The following PCDHB14 variants were observed in gnomAD, a reference collection of about 807,000 sequenced individuals.
The protein encoded by PCDHB14 is protocadherin beta-14.
For synonymous variants in PCDHB14, 511 were observed against 441.5 expected, an observed-to-expected ratio of 1.16 and a Z score of -1.97; for missense variants, 1,129 against 1,000.5, an observed-to-expected ratio of 1.13 and a Z score of -1.73.
In PCDHB14 at chr5:141,226,042, A is replaced by G. The variant is rs1754854489; in HGVS notation, c.*140A>G. ...CTTGTTTTTCTCACAGTTTCTTTAA[A>G]AATCTTTATTAGTGGCTATAATGAC... is the stretch of plus-strand genomic sequence containing the variant. On this transcript the variant is annotated 3_prime_UTR_variant, in exon 1 of 1. Transcript: ENST00000239449. 1.0e-5 allele frequency: 8 copies of G among 792,338 alleles called. No homozygotes were observed. The highest frequency in any genetic ancestry group is 1.4e-5 in the Non-Finnish European group (7 of 508,808). The allele number at this position is 792,338 out of a possible 1,614,324, so 49.1% of individuals were successfully genotyped here. A position where few individuals can be genotyped will look rare whatever the true frequency, so the allele number is the denominator to read the frequency against.
At position 141,224,161 on chromosome 5, in the gene PCDHB14, C is replaced by T; in HGVS notation, c.656C>T (p.Ser219Phe). 2.5e-6 allele frequency: 4 copies of T among 1,614,032 alleles called. No individual in the cohort carries two copies. The highest frequency in any genetic ancestry group is 3.4e-6 in the Non-Finnish European group (4 of 1,180,022). Residue 219 changes from serine to phenylalanine, a missense_variant, in exon 1 of 1, where the codon TCC becomes TTC. Ser to Phe is a radical substitution (Grantham distance 155, BLOSUM62 -2). Transcript: ENST00000239449. ...RLTLTAVDGG[S>F]PPKSGTTLVL... ...ACACTCACAGCAGTGGATGGTGGATCCCCGCCCAAGTCTGGGACAACTTTG... is the reference window on the plus strand; with the variant it reads ...ACACTCACAGCAGTGGATGGTGGATTCCCGCCCAAGTCTGGGACAACTTTG...
In PCDHB14 at chr5:141,225,092, T is replaced by C. The variant is rs782330532; in HGVS notation, c.1587T>C (p.Phe529=). 5.4e-5 allele frequency: 87 copies of C among 1,612,114 alleles called. No homozygotes were observed. Among genetic ancestry groups the C allele is most frequent in the African/African-American group, 1.3e-4 (10 of 74,888 alleles). Residue 529 remains phenylalanine, a synonymous_variant, in exon 1 of 1, where the codon TTT becomes TTC. Transcript: ENST00000239449. ...LDYEALQEFE[F]RVGATDRGSP... is the part of the protein sequence containing the mutation. ...ACGAGGCCCTACAGGAGTTCGAGTT[T>C]CGCGTGGGCGCCACAGACCGCGGGT...
In PCDHB14 at chr5:141,225,874, G is replaced by T. The variant is rs1754850588; in HGVS notation, c.2369G>T (p.Arg790Leu). Residue 790 changes from arginine (R) to leucine (L), a missense_variant, in exon 1 of 1, where the codon CGA becomes CTA. Arg to Leu is a moderately radical substitution (Grantham distance 102, BLOSUM62 -2). Transcript: ENST00000239449. ...AATATGGGGGAAATCGAGAACTTTC[G>T]AAATAGCTTTGGACTTAACATTCAA... is the stretch of plus-strand genomic sequence containing the variant. ...GRNMGEIENFRNSFGLNIQ is the reference protein window; with the variant it reads ...GRNMGEIENFLNSFGLNIQ 6.2e-7 allele frequency: 1 copy of T among 1,613,700 alleles called. No homozygotes were observed. Among genetic ancestry groups the T allele is most frequent in the Non-Finnish European group, 8.5e-7 (1 of 1,179,828 alleles).
chr5:141,225,931 G>A lies in PCDHB14; in HGVS notation c.*29G>A. 1 of 1,559,838 alleles carries A rather than the reference G, an allele frequency of 6.4e-7. No individual in the cohort carries two copies. Among genetic ancestry groups the A allele is most frequent in the East Asian group, 2.2e-5 (1 of 44,446 alleles). ...AATTTATTTTAAATGTCTAATTTTTGGTTATTCTTGGCAAGCTGATGGTAC... is the reference window on the plus strand; with the variant it reads ...AATTTATTTTAAATGTCTAATTTTTAGTTATTCTTGGCAAGCTGATGGTAC... On this transcript the variant is annotated 3_prime_UTR_variant, in exon 1 of 1. Transcript: ENST00000239449.
At position 141,225,011 on chromosome 5, in the gene PCDHB14, C is replaced by T. The variant is rs1554289307; in HGVS notation, c.1506C>T (p.Ser502=). Residue 502 remains serine (S), a synonymous_variant, in exon 1 of 1, where the codon TCC becomes TCT. Transcript: ENST00000239449. The part of the protein sequence containing the change: ...PPQDRHLPLA[S]LVSINADNGH... ...AGGACCGGCACCTGCCCCTCGCCTC[C>T]TTGGTCTCCATCAACGCGGACAATG... The T allele has an allele frequency of 6.2e-7, 1 of 1,612,692 alleles. No homozygotes were observed. Among genetic ancestry groups the T allele is most frequent in the South Asian group, 1.1e-5 (1 of 91,024 alleles).
rs1422659663 is a variant in PCDHB14 at position 141,223,779 on chromosome 5, C to A, written c.274C>A (p.Arg92=). The change falls in exon 1 of 1, where the codon CGA becomes AGA. Residue 92 remains arginine, a synonymous_variant. Coordinates refer to ENST00000239449, the MANE Select transcript of PCDHB14 (RefSeq NM_018934.4). ...GNLLLNEKLD[R]DELCGSTEPC... ...TTTGCTCCTAAATGAGAAACTAGAC[C>A]GAGACGAGCTGTGTGGCTCCACCGA... 1 of 1,613,844 alleles carries A rather than the reference C, an allele frequency of 6.2e-7. No individual in the cohort carries two copies. The highest frequency in any genetic ancestry group is 8.5e-7 in the Non-Finnish European group (1 of 1,179,946).
rs1754870725 is a variant in PCDHB14, at chr5:141,226,812, T to C, written c.*910T>C. ...GTCTGGAACTCCTTGGCTCAAGCGA[T>C]CTGCCCGCCTTAGCTAGTTTTTTGT... On this transcript the variant is annotated 3_prime_UTR_variant, in exon 1 of 1. Transcript: ENST00000239449. 1 of 152,328 alleles carries C rather than the reference T, an allele frequency of 6.6e-6. No individual in the cohort carries two copies. The highest frequency in any genetic ancestry group is 2.1e-4 in the South Asian group (1 of 4,830). The allele number at this position is 152,328 out of a possible 1,614,324, so 9.4% of individuals were successfully genotyped here.
In PCDHB14 at chr5:141,224,328, G is replaced by A. The variant is rs201067198; in HGVS notation, c.823G>A (p.Gly275Arg). The part of the protein sequence containing the change: ...SAKDLDAGNY[G>R]KISYTFFHAS... ...TAAGGATCTGGATGCAGGAAACTAT[G>A]GAAAAATATCTTACACATTTTTCCA... The change falls in exon 1 of 1, where the codon GGA becomes AGA. Residue 275 changes from glycine (G) to arginine (R), a missense_variant. Physicochemically the swap from Gly to Arg is moderately radical, Grantham distance 125. Coordinates refer to ENST00000239449, the MANE Select transcript of PCDHB14 (RefSeq NM_018934.4). 11 of 1,613,366 alleles carry A rather than the reference G, an allele frequency of 6.8e-6. 1 individual carries two copies. The highest frequency in any genetic ancestry group is 4.4e-5 in the South Asian group (4 of 90,960).
chr5:141,223,690 G>C lies in PCDHB14; in HGVS notation c.185G>C (p.Arg62Pro). The change falls in exon 1 of 1, where the codon CGT becomes CCT. Residue 62 changes from arginine to proline, a missense_variant. Coordinates refer to ENST00000239449, the MANE Select transcript of PCDHB14 (RefSeq NM_018934.4). Reference protein sequence around the residue: ...LGLGVEELSSREARVVSDDNK... With the variant: ...LGLGVEELSSPEARVVSDDNK... ...CTGGGGGTGGAGGAGCTGTCTTCAC[G>C]TGAAGCCCGGGTAGTGTCTGATGAT... 1.2e-6 allele frequency: 2 copies of C among 1,614,086 alleles called. No homozygotes were observed. The highest frequency in any genetic ancestry group is 1.1e-5 in the South Asian group (1 of 91,074).
Position 141,224,675 on chromosome 5 carries a change from T to G in PCDHB14, c.1170T>G (p.Pro390=). 1 of 1,614,120 alleles carries G rather than the reference T, an allele frequency of 6.2e-7. No individual in the cohort carries two copies. Among genetic ancestry groups the G allele is most frequent in the East Asian group, 2.2e-5 (1 of 44,868 alleles). ...RMICSIQDNL[P]FFLKPTFKNF... is the part of the protein sequence containing the mutation. ...TTTGCTCTATTCAAGATAACCTCCC[T>G]TTTTTCCTGAAACCGACCTTCAAGA... The change falls in exon 1 of 1, where the codon CCT becomes CCG. Residue 390 remains proline (P), a synonymous_variant. Coordinates refer to ENST00000239449, the MANE Select transcript of PCDHB14 (RefSeq NM_018934.4).
rs1754857061 is a variant in PCDHB14, at chr5:141,226,158, G to A, written c.*256G>A. On this transcript the variant is annotated 3_prime_UTR_variant, in exon 1 of 1. Coordinates refer to ENST00000239449, the MANE Select transcript of PCDHB14 (RefSeq NM_018934.4). ...TATTGCTATTTTTGCTGTGATAATG[G>A]TATTATGCAAGACCATATTCTCAAT... 6.5e-6 allele frequency: 3 copies of A among 458,930 alleles called. No individual in the cohort carries two copies. Among genetic ancestry groups the A allele is most frequent in the Non-Finnish European group, 4.0e-6 (1 of 252,740 alleles). 28.4% of individuals were successfully genotyped at this position (458,930 alleles called of 1,614,324 possible). A position where few individuals can be genotyped will look rare whatever the true frequency, so the allele number is the denominator to read the frequency against.
In PCDHB14 at chr5:141,225,947, C is replaced by G; in HGVS notation, c.*45C>G. Reference sequence around the variant, plus strand: ...CTAATTTTTGGTTATTCTTGGCAAGCTGATGGTACTTTTTGCATAATCTTT... The same window carrying G: ...CTAATTTTTGGTTATTCTTGGCAAGGTGATGGTACTTTTTGCATAATCTTT... On this transcript the variant is annotated 3_prime_UTR_variant, in exon 1 of 1. Transcript: ENST00000239449. 2 of 1,504,908 alleles carry G rather than the reference C, an allele frequency of 1.3e-6. No individual in the cohort carries two copies. The highest frequency in any genetic ancestry group is 1.8e-6 in the Non-Finnish European group (2 of 1,104,404). The allele number at this position is 1,504,908 out of a possible 1,614,324, so 93.2% of individuals were successfully genotyped here.
rs1206242557 is a variant in PCDHB14, at chr5:141,223,954, C to T, written c.449C>T (p.Ala150Val). 6.2e-7 allele frequency: 1 copy of T among 1,613,670 alleles called. No homozygotes were observed. Among genetic ancestry groups the T allele is most frequent in the East Asian group, 2.2e-5 (1 of 44,894 alleles). The change falls in exon 1 of 1, where the codon GCT becomes GTT. Residue 150 changes from alanine (A) to valine (V), a missense_variant. By Grantham distance (64) the Ala-to-Val change is moderately conservative (BLOSUM62 0). Coordinates refer to ENST00000239449, the MANE Select transcript of PCDHB14 (RefSeq NM_018934.4). ...ATATCAGAAGGTACCACTGTTGGAG[C>T]TACCTTTCTAATGGAGAGTGCTCAA... ...IKISEGTTVGATFLMESAQDL... is the reference protein window; with the variant it reads ...IKISEGTTVGVTFLMESAQDL...
chr5:141,225,530 G>C lies in PCDHB14; in HGVS notation c.2025G>C (p.Glu675Asp), dbSNP rs782347407. Residue 675 changes from glutamate to aspartate, a missense_variant, in exon 1 of 1, where the codon GAG becomes GAC. Coordinates refer to ENST00000239449, the MANE Select transcript of PCDHB14 (RefSeq NM_018934.4). ...CCCAGCCCTACCTGCCGCTCCCTGA[G>C]GCGGCCCCGGCCCAGGCCCAGGCCG... is the stretch of plus-strand genomic sequence containing the variant. ...GFSQPYLPLP[E>D]AAPAQAQADS... is the part of the protein sequence containing the mutation. 13 of 1,609,632 alleles carry C rather than the reference G, an allele frequency of 8.1e-6. No homozygotes were observed. In the African/African-American group the frequency reaches 1.5e-4, roughly 18 times the overall value.
At position 141,224,917 on chromosome 5, in the gene PCDHB14, G is replaced by A; in HGVS notation, c.1412G>A (p.Gly471Asp). 1 of 1,612,892 alleles carries A rather than the reference G, an allele frequency of 6.2e-7. No individual in the cohort carries two copies. Among genetic ancestry groups the A allele is most frequent in the Non-Finnish European group, 8.5e-7 (1 of 1,180,012 alleles). Residue 471 changes from glycine (G) to aspartate (D), a missense_variant, in exon 1 of 1, where the codon GGC becomes GAC. By Grantham distance (94) the Gly-to-Asp change is moderately conservative. Transcript: ENST00000239449. Reference protein sequence around the residue: ...RENNSPALHIGSVSATDRDSG... With the variant: ...RENNSPALHIDSVSATDRDSG... ...AACAACAGCCCCGCCCTGCACATCGGCAGCGTCAGCGCCACAGACAGAGAC... is the reference window on the plus strand; with the variant it reads ...AACAACAGCCCCGCCCTGCACATCGACAGCGTCAGCGCCACAGACAGAGAC...
In PCDHB14 at chr5:141,224,674, C is replaced by T. The variant is rs782807381; in HGVS notation, c.1169C>T (p.Pro390Leu). The T allele has an allele frequency of 6.8e-6, 11 of 1,613,990 alleles. No homozygotes were observed. Among genetic ancestry groups the T allele is most frequent in the Non-Finnish European group, 9.3e-6 (11 of 1,180,024 alleles). ...ATTTGCTCTATTCAAGATAACCTCCCTTTTTTCCTGAAACCGACCTTCAAG... is the reference window on the plus strand; with the variant it reads ...ATTTGCTCTATTCAAGATAACCTCCTTTTTTTCCTGAAACCGACCTTCAAG... ...RMICSIQDNL[P>L]FFLKPTFKNF... The change falls in exon 1 of 1, where the codon CCT becomes CTT. Residue 390 changes from proline to leucine, a missense_variant. Pro to Leu is a moderately conservative substitution (Grantham distance 98). Coordinates refer to ENST00000239449, the MANE Select transcript of PCDHB14 (RefSeq NM_018934.4).
chr5:141,223,539 A>G lies in PCDHB14; in HGVS notation c.34A>G (p.Arg12Gly). 1.2e-6 allele frequency: 2 copies of G among 1,612,718 alleles called. No individual in the cohort carries two copies. Among genetic ancestry groups the G allele is most frequent in the South Asian group, 1.1e-5 (1 of 91,012 alleles). Reference protein sequence around the residue: ...EIRGALDLRKRQVLIFLVLLG... With the variant: ...EIRGALDLRKGQVLIFLVLLG... ...CAGAGGGGCACTCGATCTGCGAAAA[A>G]GGCAAGTTCTAATATTCCTTGTTTT... Residue 12 changes from arginine (R) to glycine (G), a missense_variant, in exon 1 of 1, where the codon AGG becomes GGG. Transcript: ENST00000239449.
chr5:141,225,130 G>A lies in PCDHB14; in HGVS notation c.1625G>A (p.Ser542Asn), dbSNP rs782299214. 2.5e-6 allele frequency: 4 copies of A among 1,611,842 alleles called. No homozygotes were observed. Among genetic ancestry groups the A allele is most frequent in the Non-Finnish European group, 3.4e-6 (4 of 1,179,798 alleles). ...GATDRGSPAL[S>N]SEALVRVLVL... ...ACAGACCGCGGGTCCCCGGCGTTGA[G>A]CAGCGAGGCGCTGGTGCGCGTGCTG... The change falls in exon 1 of 1, where the codon AGC becomes AAC. Residue 542 changes from serine to asparagine, a missense_variant. Physicochemically the swap from Ser to Asn is conservative, Grantham distance 46. Transcript: ENST00000239449.
Position 141,225,843 on chromosome 5 carries a change from G to A in PCDHB14, c.2338G>A (p.Gly780Ser). Residue 780 changes from glycine to serine, a missense_variant, in exon 1 of 1, where the codon GGT (glycine) becomes AGT (serine). Transcript: ENST00000239449. ...IIPNFQVHDT[G>S]RNMGEIENFR... ...CCCCAATTTTCAAGTTCATGACACT[G>A]GTAGGAATATGGGGGAAATCGAGAA... is the stretch of plus-strand genomic sequence containing the variant. 1.2e-6 allele frequency: 2 copies of A among 1,614,216 alleles called. No homozygotes were observed. The highest frequency in any genetic ancestry group is 1.7e-6 in the Non-Finnish European group (2 of 1,180,028).
Sources: gnomAD v4.1 joint callset for allele counts on GRCh38, gnomAD v4.1.1 for gene constraint, MANE v1.5 for transcripts, NCBI Gene and HGNC (gene_info 2026-07-23, HGNC 2026-07-21) for gene names.